PDE10A: variants seen among roughly 807,000 people sequenced by gnomAD.
PDE10A encodes cAMP and cAMP-inhibited cGMP 3',5'-cyclic phosphodiesterase 10A.
PDE10A carries 39 observed loss-of-function variants against 97.7 expected under a neutral mutation model. That is an observed-to-expected ratio of 0.40 (90% CI 0.31 to 0.52). The LOEUF (loss-of-function observed/expected upper bound fraction) is 0.52, where lower values mean the gene tolerates loss of function less well. PDE10A is among the 20% of genes least tolerant of loss of function. The pLI is 0.56. For missense variants in PDE10A, 731 were observed against 1,047.8 expected (o/e 0.70, Z 4.17); for synonymous variants, 371 against 376.8 (o/e 0.98, Z 0.18).
chr6:165,352,798 C>G (rs373654397), intron 18 of PDE10A, among the ~76,000 whole-genome samples: 1 of 152,030 alleles, frequency 6.6e-6, no homozygotes, highest in Admixed American at 6.6e-5. Flanking sequence ...AATTTGGTGA[C>G]TTTTAAATAC....
At chr6:165,953,938 C>T (rs1279764679) in intron 1 of PDE10A, among the ~76,000 whole-genome samples, 1 of 152,154 alleles carries the variant, frequency 6.6e-6, no homozygotes, top group Non-Finnish European at 1.5e-5. Context: ...CCTCCCGAGC[C>T]CCGGCAACCA....
intron 1 of PDE10A, among the ~76,000 whole-genome samples, chr6:165,548,438 CTT>C (rs1484440829): frequency 6.6e-6 from 1 of 151,990 alleles, no homozygotes; most frequent in Non-Finnish European, 1.5e-5. Flanking sequence ...CCCATTATAA[CTT>C]ATTTCTGAAT....
intron 1 of PDE10A, among the ~76,000 whole-genome samples, chr6:165,548,051 C>G (rs994535369): frequency 2.0e-5 from 3 of 152,102 alleles, no homozygotes; most frequent in Admixed American, 1.3e-4. Flanking sequence ...AGGTACTCAA[C>G]AGCCAGCTTC....
At chr6:165,619,109 GTAGTGTAGTCTAGCATAGTC>G (rs1787886598) in intron 1 of PDE10A, among the ~76,000 whole-genome samples, 1 of 133,330 alleles carries the variant, frequency 7.5e-6, no homozygotes, top group Non-Finnish European at 1.7e-5. Context: ...GTAGTCTAGT[GTAGTGTAGTCTAGCATAGTC>G]TAGTGTAGTG....
intron 20 of PDE10A, among the ~76,000 whole-genome samples, chr6:165,337,981 A>G (rs1266068935): frequency 6.6e-6 from 1 of 152,270 alleles, no homozygotes; most frequent in Non-Finnish European, 1.5e-5. Flanking sequence ...GAACTTCTCA[A>G]ATACAATATG....
At chr6:165,492,994 G>T (rs1205273108) in intron 2 of PDE10A, among the ~76,000 whole-genome samples, 3 of 152,096 alleles carry the variant, frequency 2.0e-5, no homozygotes. Context: ...AAAGTTTCAG[G>T]ATACAAAATT....
chr6:165,543,504 T>C lies in PDE10A; in HGVS notation c.930A>G (p.Val310=), dbSNP rs530875705. Residue 310 remains valine (V), a synonymous_variant, in exon 2 of 22, where the codon GTA becomes GTG. Transcript: ENST00000539869. ...SLHPQVLDEF[V]SESVSAETVE... ...CTGTCTCTGCACTAACACTTTCAGATACAAATTCATCTAATACCTGGGGGT... is the reference window on the plus strand; with the variant it reads ...CTGTCTCTGCACTAACACTTTCAGACACAAATTCATCTAATACCTGGGGGT... 1.2e-5 allele frequency: 20 copies of C among 1,611,776 alleles called. No homozygotes were observed. The Admixed American group carries it at 2.2e-4, about 17-fold the overall frequency.
intron 1 of PDE10A, among the ~76,000 whole-genome samples, chr6:165,674,990 A>G (rs1052335055): frequency 9.2e-5 from 14 of 152,202 alleles, no homozygotes; most frequent in African/African-American, 3.4e-4. Context: ...AACCCACTGC[A>G]AACAAGACCT....
At chr6:165,842,637 A>G (rs1379047367) in intron 1 of PDE10A, among the ~76,000 whole-genome samples, 1 of 152,186 alleles carries the variant, frequency 6.6e-6, no homozygotes, top group Non-Finnish European at 1.5e-5. Flanking sequence ...TTGCTGCAAT[A>G]CATCAGCGTT....
chr6:165,432,642 C>T (rs189094969), intron 7 of PDE10A, among the ~76,000 whole-genome samples: 5 of 152,224 alleles, frequency 3.3e-5, no homozygotes, highest in East Asian at 1.9e-4. Context: ...AAGAAAAAGA[C>T]ATTTTAAAGA....
chr6:165,701,647 ATGTG>A (rs59041111), intron 1 of PDE10A, among the ~76,000 whole-genome samples: 1 of 149,570 alleles, frequency 6.7e-6, no homozygotes, highest in Admixed American at 6.6e-5. Flanking sequence ...CTCTTCATGT[ATGTG>A]TGTGTGTGTG....
chr6:165,663,303 G>T (rs1026794915), upstream of PDE10A, among the ~76,000 whole-genome samples: 1 of 151,768 alleles, frequency 6.6e-6, no homozygotes, highest in African/African-American at 2.4e-5. Flanking sequence ...CACGTAGCGC[G>T]CCCCGCGGGA....
chr6:165,464,177 C>CAT (rs918316258), intron 3 of PDE10A, among the ~76,000 whole-genome samples: 4 of 152,110 alleles, frequency 2.6e-5, no homozygotes, highest in Non-Finnish European at 5.9e-5. Flanking sequence ...CTGGTCTCGG[C>CAT]ATATACATAC....
At chr6:165,570,908 C>G (rs1785019060) in intron 1 of PDE10A, among the ~76,000 whole-genome samples, 1 of 152,162 alleles carries the variant, frequency 6.6e-6, no homozygotes. Flanking sequence ...ATCAACCAAT[C>G]AATACATAAC....
intron 1 of PDE10A, among the ~76,000 whole-genome samples, chr6:165,715,560 G>C (rs1389109071): frequency 6.6e-6 from 1 of 152,180 alleles, no homozygotes; most frequent in African/African-American, 2.4e-5. Context: ...ATGAAGGGGA[G>C]AAGGAGGAGG....
intron 13 of PDE10A, 70 bp downstream of exon 13, chr6:165,413,431 G>C (rs769030921): frequency 2.8e-5 from 30 of 1,085,602 alleles, no homozygotes; most frequent in Non-Finnish European, 3.7e-5. Flanking sequence ...AAGCCCTTAA[G>C]CTGCTTTATG....
intron 1 of PDE10A, among the ~76,000 whole-genome samples, chr6:165,934,884 T>C (rs1411167157): frequency 1.3e-5 from 2 of 152,354 alleles, no homozygotes; most frequent in Non-Finnish European, 2.9e-5. Context: ...TAGTGTCAAC[T>C]GTCAACTGTA....
At chr6:165,831,650 A>G (rs1330289097) in intron 1 of PDE10A, among the ~76,000 whole-genome samples, 3 of 151,156 alleles carry the variant, frequency 2.0e-5, no homozygotes, top group African/African-American at 4.9e-5. Context: ...ACGCCCGGCT[A>G]ATTTTTTGTA....
chr6:165,747,445 G>A (rs1792868552), intron 1 of PDE10A, among the ~76,000 whole-genome samples: 2 of 152,108 alleles, frequency 1.3e-5, no homozygotes, highest in South Asian at 2.1e-4. Flanking sequence ...ATGATACTGT[G>A]AATTAGACAC....
Sources: gnomAD v4.1 joint callset for allele counts (sites outside exome capture counted in the v4.1 genomes callset) on GRCh38, gnomAD v4.1.1 for gene constraint, MANE v1.5 for transcripts, NCBI Gene and HGNC (gene_info 2026-07-23, HGNC 2026-07-21) for gene names.